Variants in CACNA1C observed in about 807,000 individuals in gnomAD.
CACNA1C encodes voltage-dependent L-type calcium channel subunit alpha-1C.
Under a neutral mutation model 229.0 loss-of-function variants are expected in CACNA1C, and 30 were observed. That is an observed-to-expected ratio of 0.13 (90% confidence interval 0.10 to 0.18). CACNA1C has a LOEUF of 0.18. CACNA1C is among the 10% of genes least tolerant of loss of function. The pLI, the probability that CACNA1C is intolerant of heterozygous loss-of-function variation, is 1.00. For missense variants in CACNA1C, 1,658 were observed against 2,845.0 expected (o/e 0.58, Z 9.49); for synonymous variants, 1,114 against 1,132.5 (o/e 0.98, Z 0.33).
At chr12:2,259,113 A>C (rs1056506479) in intron 3 of CACNA1C, among the ~76,000 whole-genome samples, 1 of 152,248 alleles carries the variant, frequency 6.6e-6, no homozygotes, top group South Asian at 2.1e-4. Context: ...TTTCTTTTCC[A>C]TTTAAGGAAA....
At chr12:2,349,931 A>G (rs1228431971) in intron 3 of CACNA1C, among the ~76,000 whole-genome samples, 2 of 152,136 alleles carry the variant, frequency 1.3e-5, no homozygotes, top group Non-Finnish European at 2.9e-5. Context: ...TTTTCCATGG[A>G]TCAGTATGTG....
At chr12:1,992,627 C>T (rs577447703) in intron 1 of CACNA1C, 11 of 158,824 alleles carry the variant, frequency 6.9e-5, no homozygotes, top group East Asian at 1.9e-4. Context: ...CAGTGCAACA[C>T]AAGTGGTCAG....
intron 3 of CACNA1C, among the ~76,000 whole-genome samples, chr12:2,362,821 C>G (rs2097594403): frequency 6.6e-6 from 1 of 152,172 alleles, no homozygotes; most frequent in African/African-American, 2.4e-5. Flanking sequence ...GCACACATGG[C>G]CCAGCCCAGA....
At chr12:2,356,804 A>C (rs1014956891) in intron 3 of CACNA1C, among the ~76,000 whole-genome samples, 1 of 152,162 alleles carries the variant, frequency 6.6e-6, no homozygotes, top group Non-Finnish European at 1.5e-5. Flanking sequence ...AGTGCTCTAT[A>C]TGCATTGCTC....
At chr12:2,413,605 TGTG>T (rs1398394089) in intron 3 of CACNA1C, among the ~76,000 whole-genome samples, 1 of 152,226 alleles carries the variant, frequency 6.6e-6, no homozygotes, top group Non-Finnish European at 1.5e-5. Flanking sequence ...GCAAAACTGC[TGTG>T]TTTGAGGTTT....
intron 3 of CACNA1C, among the ~76,000 whole-genome samples, chr12:2,404,412 G>A (rs563327877): frequency 2.0e-5 from 3 of 152,228 alleles, no homozygotes; most frequent in South Asian, 2.1e-4. Context: ...TAGGAGCCCC[G>A]CACCCAAGCC....
intron 9 of CACNA1C, among the ~76,000 whole-genome samples, chr12:2,522,314 A>G (rs2099811547): frequency 6.6e-6 from 1 of 152,228 alleles, no homozygotes; most frequent in South Asian, 2.1e-4. Flanking sequence ...ATGTAGGGCA[A>G]TGATTTCTAT....
chr12:2,680,478 GAC>G (rs2097086725), intron 42 of CACNA1C: 4 of 1,568,234 alleles, frequency 2.6e-6, no homozygotes, highest in Non-Finnish European at 3.5e-6. Context: ...GCTGAGAGAG[GAC>G]ACACCCTGCA....
chr12:2,309,224 G>A (rs1225869265), intron 3 of CACNA1C, among the ~76,000 whole-genome samples: 1 of 152,182 alleles, frequency 6.6e-6, no homozygotes, highest in Non-Finnish European at 1.5e-5. Flanking sequence ...TATGCTAAGT[G>A]AAATAAACCA....
At chr12:2,015,239 G>T (rs1015919978) in intron 1 of CACNA1C, among the ~76,000 whole-genome samples, 6 of 152,188 alleles carry the variant, frequency 3.9e-5, no homozygotes, top group Admixed American at 1.3e-4. Context: ...CACCCGTTGG[G>T]CTACATTTAT....
intron 5 of CACNA1C, among the ~76,000 whole-genome samples, chr12:2,458,211 G>A (rs2099456154): frequency 6.6e-6 from 1 of 152,212 alleles, no homozygotes; most frequent in South Asian, 2.1e-4. Context: ...CCAGGCCTCA[G>A]GAGCCCTACT....
chr12:2,626,247 C>A (rs979933627), intron 29 of CACNA1C, among the ~76,000 whole-genome samples: 22 of 152,224 alleles, frequency 1.4e-4, no homozygotes, highest in African/African-American at 4.8e-4. Flanking sequence ...TCCAGGAGCA[C>A]TCGCCCACTA....
intron 3 of CACNA1C, among the ~76,000 whole-genome samples, chr12:2,372,820 CAG>C (rs2097907656): frequency 6.6e-6 from 1 of 152,212 alleles, no homozygotes; most frequent in Admixed American, 6.5e-5. Context: ...CTGTCAGCCT[CAG>C]GGGTCCGGGG....
chr12:2,458,981 C>CTTTTTTTTTTT (rs71057826), intron 5 of CACNA1C, among the ~76,000 whole-genome samples: 45 of 105,582 alleles, frequency 4.3e-4, no homozygotes, highest in Non-Finnish European at 5.8e-4. Flanking sequence ...CTTTTTCTTT[C>CTTTTTTTTTTT]TTTTTTTTTT....
At chr12:2,309,905 G>T (rs762734534) in intron 3 of CACNA1C, among the ~76,000 whole-genome samples, 1 of 152,160 alleles carries the variant, frequency 6.6e-6, no homozygotes, top group Non-Finnish European at 1.5e-5. Flanking sequence ...CCGGGGAACT[G>T]CATGAGTTTC....
In CACNA1C at chr12:2,504,889, A is replaced by C; in HGVS notation, c.1161A>C (p.Thr387=). 1 of 1,603,886 alleles carries C rather than the reference A, an allele frequency of 6.2e-7. No homozygotes were observed. The highest frequency in any genetic ancestry group is 8.5e-7 in the Non-Finnish European group (1 of 1,174,294). Residue 387 remains threonine (T), a synonymous_variant, in exon 8 of 47, where the codon ACA becomes ACC. Coordinates refer to ENST00000399655, the MANE Select transcript of CACNA1C (RefSeq NM_000719.7). The surrounding 1 kb of genome is among the most constrained non-coding windows in gnomAD (Gnocchi z 6.8). The stretch of plus-strand genomic sequence containing the variant: ...ACTGGCCCTGGATCTATTTTGTTAC[A>C]CTAATCATCATAGGGTCATTTTTTG... The part of the protein sequence containing the change: ...GRDWPWIYFV[T]LIIIGSFFVL...
chr12:2,680,235 C>A (rs3794286), intron 42 of CACNA1C: 1 of 669,606 alleles, frequency 1.5e-6, no homozygotes, highest in South Asian at 2.3e-5. Flanking sequence ...GAGGGCATCC[C>A]CTGTGGGAGG....
At chr12:2,114,059 A>C (rs1596240066) in intron 1 of CACNA1C, among the ~76,000 whole-genome samples, 1 of 152,202 alleles carries the variant, frequency 6.6e-6, no homozygotes, top group South Asian at 2.1e-4. Context: ...CCCAAAACAA[A>C]GTGGCTCACA....
chr12:2,504,034 T>G lies in CACNA1C; in HGVS notation c.1114-808T>G, dbSNP rs1364573631. Among the ~76,000 whole-genome samples, 1 of 152,228 alleles carries G rather than the reference T, an allele frequency of 6.6e-6. No homozygotes were observed. The highest frequency in any genetic ancestry group is 1.5e-5 in the Non-Finnish European group (1 of 68,042). Reference sequence around the variant, plus strand: ...TGTCAGCAGGAGCTGACGCACTTCATACACCAAGGTCAGGGGCCTCCGGGT... The same window carrying G: ...TGTCAGCAGGAGCTGACGCACTTCAGACACCAAGGTCAGGGGCCTCCGGGT... On this transcript the variant is annotated intron_variant, in intron 7 of 46. Transcript: ENST00000399655. This position sits in a 1 kb window ranked among gnomAD's most constrained non-coding sequence, Gnocchi z 6.8.
Sources: allele counts gnomAD v4.1 joint callset (sites outside exome capture counted in the v4.1 genomes callset), GRCh38; gene constraint gnomAD v4.1.1; non-coding constraint Gnocchi (gnomAD v3.1); transcripts MANE v1.5; gene names NCBI Gene and HGNC (gene_info 2026-07-23, HGNC 2026-07-21).